The following TM4SF5 variants were observed in gnomAD, a reference collection of about 807,000 sequenced individuals.
The protein encoded by TM4SF5 is transmembrane 4 L six family member 5.
TM4SF5 carries 16 observed loss-of-function variants against 22.3 expected under a neutral mutation model. The observed-to-expected ratio is 0.72, with a 90% CI of 0.49 to 1.09. The LOEUF is 1.09. Ranked by LOEUF, TM4SF5 falls within the 50% of genes least tolerant of loss-of-function variation. The pLI is 0.00. For synonymous variants in TM4SF5, 113 were observed against 109.6 expected (o/e 1.03, Z -0.19); for missense variants, 249 against 266.1 (o/e 0.94, Z 0.45).
At chr17:4,775,043 A>G (rs951995942) in intron 1 of TM4SF5, among the ~76,000 whole-genome samples, 16 of 152,138 alleles carry the variant, frequency 1.1e-4, no homozygotes, top group African/African-American at 3.4e-4. Context: ...AATGACAAGA[A>G]GAAGGTGTGA....
intron 1 of TM4SF5, among the ~76,000 whole-genome samples, chr17:4,776,291 T>TTTG (rs1567707552): frequency 8.8e-5 from 13 of 147,948 alleles, no homozygotes; most frequent in African/African-American, 3.5e-4. Flanking sequence ...TTGTTTGTTT[T>TTTG]TTTGCTTTTT....
chr17:4,782,740 A>T (rs1222977091), intron 3 of TM4SF5, 101 bp downstream of exon 3: 5 of 1,574,680 alleles, frequency 3.2e-6, no homozygotes, highest in Non-Finnish European at 3.5e-6. Context: ...CTTCGAGGGC[A>T]CTCGCTCCAC....
chr17:4,779,047 C>T (rs1188291340), intron 1 of TM4SF5, among the ~76,000 whole-genome samples: 1 of 143,144 alleles, frequency 7.0e-6, no homozygotes, highest in African/African-American at 2.7e-5. Context: ...CAGAGTGAGA[C>T]TCCGTCTCAA....
chr17:4,778,127 C>T (rs1289801914), intron 1 of TM4SF5, among the ~76,000 whole-genome samples: 1 of 152,162 alleles, frequency 6.6e-6, no homozygotes, highest in East Asian at 1.9e-4. Flanking sequence ...TTTGGATCCA[C>T]AAGCCTCCAG....
chr17:4,781,572 G>T (rs887745198), intron 2 of TM4SF5, among the ~76,000 whole-genome samples: 6 of 152,062 alleles, frequency 3.9e-5, no homozygotes, highest in Non-Finnish European at 8.8e-5. Flanking sequence ...CTGGAGTACA[G>T]TGGCACGATC....
chr17:4,782,831 A>C, intron 3 of TM4SF5, 23 bp from the exon 4 acceptor site: 3 of 1,603,224 alleles, frequency 1.9e-6, no homozygotes, highest in Non-Finnish European at 1.7e-6. Context: ...GCCTTCTCCC[A>C]CGTGGCCTCA....
intron 2 of TM4SF5, among the ~76,000 whole-genome samples, chr17:4,781,638 T>TCCCAAG (rs1229043316): frequency 1.3e-5 from 2 of 151,032 alleles, no homozygotes; most frequent in Non-Finnish European, 3.0e-5. Context: ...TCTTCCAGCC[T>TCCCAAG]CCCAAGTAGC....
intron 1 of TM4SF5, among the ~76,000 whole-genome samples, chr17:4,780,458 G>A (rs1282928048): frequency 6.6e-6 from 1 of 152,126 alleles, no homozygotes; most frequent in Non-Finnish European, 1.5e-5. Context: ...GCAAAACTGA[G>A]ACCCTGAGAG....
At chr17:4,775,874 C>T (rs549702690) in intron 1 of TM4SF5, among the ~76,000 whole-genome samples, 11 of 151,942 alleles carry the variant, frequency 7.2e-5, no homozygotes, top group East Asian at 3.9e-4. Context: ...TTTTTTGAGA[C>T]GGAGCTGTTG....
chr17:4,780,919 C>T, intron 2 of TM4SF5, 50 bp downstream of exon 2: 6 of 1,512,028 alleles, frequency 4.0e-6, no homozygotes, highest in South Asian at 1.2e-5. Context: ...GTGTCTCATG[C>T]CTGTAATCCC....
intron 1 of TM4SF5, among the ~76,000 whole-genome samples, chr17:4,772,457 GATA>G (rs1236130061): frequency 6.6e-6 from 1 of 152,162 alleles, no homozygotes; most frequent in Non-Finnish European, 1.5e-5. Context: ...ATCGGGGCAG[GATA>G]ATAACAGGCA....
At chr17:4,781,817 G>A (rs1034232809) in intron 2 of TM4SF5, among the ~76,000 whole-genome samples, 2 of 151,836 alleles carry the variant, frequency 1.3e-5, no homozygotes, top group Admixed American at 6.6e-5. Flanking sequence ...GCCCAGCCTC[G>A]AGTCAGGTTT....
In TM4SF5 at chr17:4,772,070, A is replaced by T. The variant is rs771981175; in HGVS notation, c.148A>T (p.Met50Leu). The T allele has an allele frequency of 6.2e-7, 1 of 1,614,192 alleles. No homozygotes were observed. Among genetic ancestry groups the T allele is most frequent in the Admixed American group, 1.7e-5 (1 of 60,010 alleles). ...TNHLSLQVWL[M>L]GGFIGGGLMV... ...CCATCTCAGCTTGCAAGTCTGGCTC[A>T]TGGGCGGCTTCATTGGCGGGGGCCT... is the stretch of plus-strand genomic sequence containing the variant. Residue 50 changes from methionine to leucine, a missense_variant, in exon 1 of 5, where the codon ATG becomes TTG. By Grantham distance (15) the Met-to-Leu change is conservative. Transcript: ENST00000270560.
At chr17:4,778,124 C>A (rs1228413922) in intron 1 of TM4SF5, among the ~76,000 whole-genome samples, 5 of 152,118 alleles carry the variant, frequency 3.3e-5, no homozygotes, top group African/African-American at 7.2e-5. Context: ...GTGTTTGGAT[C>A]CACAAGCCTC....
intron 1 of TM4SF5, among the ~76,000 whole-genome samples, chr17:4,777,111 C>A (rs1481889408): frequency 1.3e-5 from 2 of 151,522 alleles, no homozygotes; most frequent in Admixed American, 6.6e-5. Flanking sequence ...GCAGGAGAAT[C>A]TCCTGAACCC....
intron 1 of TM4SF5, among the ~76,000 whole-genome samples, chr17:4,777,168 G>C (rs1917223385): frequency 6.7e-6 from 1 of 148,654 alleles, no homozygotes. Context: ...CTGCAATCCA[G>C]CCTGGGTGAC....
chr17:4,779,738 G>A (rs1917266370), intron 1 of TM4SF5, among the ~76,000 whole-genome samples: 1 of 152,326 alleles, frequency 6.6e-6, no homozygotes, highest in South Asian at 2.1e-4. Context: ...ATTGTGAGAT[G>A]AGCGTGAGGC....
At position 4,772,013 on chromosome 17, in the gene TM4SF5, C is replaced by T. The variant is rs747735765; in HGVS notation, c.91C>T (p.Pro31Ser). Residue 31 changes from proline to serine, a missense_variant, in exon 1 of 5, where the codon CCT becomes TCT. By Grantham distance (74) the Pro-to-Ser change is moderately conservative (BLOSUM62 -1). Coordinates refer to ENST00000270560, the MANE Select transcript of TM4SF5 (RefSeq NM_003963.3). Reference sequence around the variant, plus strand: ...TGTGGCCAACGCCCTCCTGCTGGTACCTAATGGGGAGACCTCCTGGACCAA... The same window carrying T: ...TGTGGCCAACGCCCTCCTGCTGGTATCTAATGGGGAGACCTCCTGGACCAA... ...CIVANALLLV[P>S]NGETSWTNTN... is the part of the protein sequence containing the mutation. 6.2e-7 allele frequency: 1 copy of T among 1,614,210 alleles called. No individual in the cohort carries two copies. The highest frequency in any genetic ancestry group is 2.2e-5 in the East Asian group (1 of 44,878).
At chr17:4,774,641 C>T (rs1160951613) in intron 1 of TM4SF5, among the ~76,000 whole-genome samples, 1 of 152,254 alleles carries the variant, frequency 6.6e-6, no homozygotes, top group Non-Finnish European at 1.5e-5. Flanking sequence ...GGCGCAGTGG[C>T]TCATGCCTGT....
Sources: allele counts gnomAD v4.1 joint callset (sites outside exome capture counted in the v4.1 genomes callset), GRCh38; gene constraint gnomAD v4.1.1; transcripts MANE v1.5; gene names NCBI Gene and HGNC (gene_info 2026-07-23, HGNC 2026-07-21).